RP1L1: variants seen among roughly 807,000 people sequenced by gnomAD.
RP1L1 encodes retinitis pigmentosa 1-like 1 protein.
A neutral mutation model predicts 15.7 loss-of-function variants in RP1L1; 27 were observed. The ratio of observed to expected loss-of-function variants is 1.72; its 90% CI spans 1.27 to 2.38. The LOEUF is 2.38. RP1L1 is among the 30% of genes most tolerant of loss of function. The pLI is 0.00. For synonymous variants in RP1L1, 1,813 were observed against 1,276.7 expected (o/e 1.42, Z -8.96); for missense variants, 4,798 against 3,075.9 (o/e 1.56, Z -13.24).
In RP1L1 at chr8:10,611,954, G is replaced by T. The variant is rs1797866137; in HGVS notation, c.2144C>A (p.Ala715Asp). 5.0e-6 allele frequency: 8 copies of T among 1,613,884 alleles called. No homozygotes were observed. Among genetic ancestry groups the T allele is most frequent in the Non-Finnish European group, 5.9e-6 (7 of 1,180,002 alleles). ...SGSSSSTRTQ[A>D]SGNLRPPSSG... ...GGAGGGAGGTCTCAGGTTCCCAGAG[G>T]CCTGTGTCCTGGTGCTCGATGAGCT... is the stretch of plus-strand genomic sequence containing the variant. Residue 715 changes from alanine (A) to aspartate (D), a missense_variant, in exon 4 of 4, where the codon GCC (alanine) becomes GAC (aspartate). Ala to Asp is a moderately radical substitution (Grantham distance 126). Coordinates refer to ENST00000382483, the MANE Select transcript of RP1L1 (RefSeq NM_178857.6).
intron 1 of RP1L1, among the ~76,000 whole-genome samples, chr8:10,631,373 A>T (rs1798246931): frequency 1.4e-5 from 2 of 138,070 alleles, no homozygotes; most frequent in African/African-American, 5.6e-5. Context: ...ACACACATGC[A>T]CACAAACACA....
Position 10,611,530 on chromosome 8 carries a change from C to A in RP1L1, c.2568G>T (p.Pro856=), listed in dbSNP as rs367933781. The A allele has an allele frequency of 6.3e-7, 1 of 1,584,490 alleles. No individual in the cohort carries two copies. The highest frequency in any genetic ancestry group is 1.8e-5 in the Admixed American group (1 of 55,310). The change falls in exon 4 of 4, where the codon CCG becomes CCT. Residue 856 remains proline, a synonymous_variant. Transcript: ENST00000382483. ...SWLCGRYCPT[P]PRGRPCPQRR... ...TCTGGGGGCAGGGCCGCCCCCTGGG[C>A]GGGGTGGGACAGTACCTGCCACACA... is the stretch of plus-strand genomic sequence containing the variant.
chr8:10,639,744 G>A (rs367844461), intron 1 of RP1L1, among the ~76,000 whole-genome samples: 2 of 151,868 alleles, frequency 1.3e-5, no homozygotes, highest in South Asian at 2.1e-4. Flanking sequence ...CATGACCTCC[G>A]GGAAAGTTTG....
rs781737009 is a variant in RP1L1, at chr8:10,612,036, T to G, written c.2062A>C (p.Arg688=). Residue 688 remains arginine (R), a synonymous_variant, in exon 4 of 4, where the codon AGG becomes CGG. Transcript: ENST00000382483. ...LDSSVTKQVP[R]PPERRRACQD... ...CAGGCCCTTCGCCGCTCAGGAGGCC[T>G]CGGCACTTGCTTGGTTACAGAGGAG... 1 of 1,613,876 alleles carries G rather than the reference T, an allele frequency of 6.2e-7. No individual in the cohort carries two copies. Among genetic ancestry groups the G allele is most frequent in the Admixed American group, 1.7e-5 (1 of 60,036 alleles).
rs761787045 is a variant in RP1L1, at chr8:10,611,999, G to A, written c.2099C>T (p.Ser700Leu). 5.0e-6 allele frequency: 8 copies of A among 1,613,670 alleles called. No individual in the cohort carries two copies. Among genetic ancestry groups the A allele is most frequent in the South Asian group, 1.1e-5 (1 of 91,090 alleles). The part of the protein sequence containing the change: ...PERRRACQDG[S>L]VPRYSGSSSS... Reference sequence around the variant, plus strand: ...TGAGCTTCCAGAATATCGTGGCACTGAGCCATCCTGGCAGGCCCTTCGCCG... The same window carrying A: ...TGAGCTTCCAGAATATCGTGGCACTAAGCCATCCTGGCAGGCCCTTCGCCG... The change falls in exon 4 of 4, where the codon TCA becomes TTA. Residue 700 changes from serine (S) to leucine (L), a missense_variant. By Grantham distance (145) the Ser-to-Leu change is moderately radical (BLOSUM62 -2). Transcript: ENST00000382483.
rs1161501442 is a variant in RP1L1, at chr8:10,612,608, C to T, written c.1490G>A (p.Gly497Glu). 1 of 1,603,064 alleles carries T rather than the reference C, an allele frequency of 6.2e-7. No individual in the cohort carries two copies. ...AQIGAERKAG[G>E]SLGEDPGLCI... is the part of the protein sequence containing the mutation. Reference sequence around the variant, plus strand: ...TAGGCCGGGGTCCTCACCCAGGCTCCCTCCAGCTTTCCGCTCAGCCCCTAT... The same window carrying T: ...TAGGCCGGGGTCCTCACCCAGGCTCTCTCCAGCTTTCCGCTCAGCCCCTAT... The change falls in exon 4 of 4, where the codon GGG becomes GAG. Residue 497 changes from glycine to glutamate, a missense_variant. Transcript: ENST00000382483.
intron 1 of RP1L1, among the ~76,000 whole-genome samples, chr8:10,626,749 T>A (rs941691224): frequency 2.0e-5 from 3 of 152,104 alleles, no homozygotes; most frequent in Admixed American, 2.0e-4. Context: ...TGTATCAAAG[T>A]TTGGGAAAGA....
intron 1 of RP1L1, among the ~76,000 whole-genome samples, chr8:10,623,713 A>G (rs1391619269): frequency 6.6e-6 from 1 of 151,318 alleles, no homozygotes; most frequent in African/African-American, 2.4e-5. Flanking sequence ...CCATGTCTCC[A>G]GCATTACCAT....
At chr8:10,621,546 G>A (rs766902773) in intron 2 of RP1L1, 8 of 355,122 alleles carry the variant, frequency 2.3e-5, no homozygotes, top group Admixed American at 7.2e-5. Flanking sequence ...GGCTGATCTC[G>A]AACTCCTGAC....
rs771934052 is a variant in RP1L1, at chr8:10,623,030, A to T, written c.172T>A (p.Phe58Ile). 1 of 1,614,128 alleles carries T rather than the reference A, an allele frequency of 6.2e-7. No homozygotes were observed. The highest frequency in any genetic ancestry group is 8.5e-7 in the Non-Finnish European group (1 of 1,180,008). ...GVRLAVHQRAFKTFSALMDEL... is the reference protein window; with the variant it reads ...GVRLAVHQRAIKTFSALMDEL... Reference sequence around the variant, plus strand: ...TCCATGAGGGCGCTGAAGGTCTTAAAGGCGCGCTGGTGAACGGCCAGGCGG... The same window carrying T: ...TCCATGAGGGCGCTGAAGGTCTTAATGGCGCGCTGGTGAACGGCCAGGCGG... Residue 58 changes from phenylalanine to isoleucine, a missense_variant, in exon 2 of 4, where the codon TTT becomes ATT. Phe to Ile is a conservative substitution (Grantham distance 21). Coordinates refer to ENST00000382483, the MANE Select transcript of RP1L1 (RefSeq NM_178857.6).
intron 1 of RP1L1, among the ~76,000 whole-genome samples, chr8:10,627,896 T>G (rs1585986099): frequency 1.3e-5 from 2 of 152,290 alleles, no homozygotes; most frequent in Admixed American, 1.3e-4. Flanking sequence ...GTACTTCTGA[T>G]GAACAGGCAC....
intron 1 of RP1L1, among the ~76,000 whole-genome samples, chr8:10,634,462 G>T (rs983708170): frequency 1.3e-5 from 2 of 152,178 alleles, no homozygotes; most frequent in African/African-American, 4.8e-5. Context: ...AAGTGGGGAA[G>T]ATCAACACAA....
chr8:10,627,783 C>A (rs1410604549), intron 1 of RP1L1, among the ~76,000 whole-genome samples: 1 of 152,166 alleles, frequency 6.6e-6, no homozygotes, highest in Non-Finnish European at 1.5e-5. Flanking sequence ...AACATCACAG[C>A]GTTCCACACA....
rs1356168176 is a variant in RP1L1 at position 10,608,049 on chromosome 8, G to A, written c.6049C>T (p.Gln2017Ter). 11 of 1,604,832 alleles carry A rather than the reference G, an allele frequency of 6.9e-6. No homozygotes were observed. Among genetic ancestry groups the A allele is most frequent in the Non-Finnish European group, 9.3e-6 (11 of 1,178,148 alleles). ...GCCTCTACACCGTCTGACTCTGGCT[G>A]GGCCTCCTCTTCTGCCTCTTGCATC... is the stretch of plus-strand genomic sequence containing the variant. ...GEMQEAEEEAQPESDGVEAQP... is the reference protein window; with the variant it reads ...GEMQEAEEEA The change falls in exon 4 of 4, where the codon CAG (glutamine) becomes TAG (stop). Residue 2017 changes from glutamine (Q) to a stop codon, truncating the protein, a stop_gained. Coordinates refer to ENST00000382483, the MANE Select transcript of RP1L1 (RefSeq NM_178857.6). LOFTEE classifies it low-confidence loss of function (END_TRUNC).
At chr8:10,619,960 CAA>C (rs34459240) in intron 2 of RP1L1, among the ~76,000 whole-genome samples, 5,502 of 87,180 alleles carry the variant, frequency 0.063, 109 homozygotes, top group African/African-American at 0.11. Context: ...GACTCCATCT[CAA>C]AAAAAAAAAA....
intron 2 of RP1L1, among the ~76,000 whole-genome samples, chr8:10,617,930 C>G (rs1211512280): frequency 6.6e-6 from 1 of 152,168 alleles, no homozygotes; most frequent in Non-Finnish European, 1.5e-5. Context: ...ATCGCACCCA[C>G]TAAACGGTAG....
chr8:10,620,596 G>C (rs977607858), intron 2 of RP1L1, among the ~76,000 whole-genome samples: 8 of 152,072 alleles, frequency 5.3e-5, no homozygotes, highest in Non-Finnish European at 1.2e-4. Context: ...ACAAGAGTGA[G>C]ACTCTGTCTC....
At position 10,609,250 on chromosome 8, in the gene RP1L1, G is replaced by C. The variant is rs753284438; in HGVS notation, c.4848C>G (p.Leu1616=). 3 of 1,609,204 alleles carry C rather than the reference G, an allele frequency of 1.9e-6. No individual in the cohort carries two copies. The highest frequency in any genetic ancestry group is 2.2e-5 in the East Asian group (1 of 44,856). ...RRHRLRGLRN[L]SAFSERTLGL... ...CCAGGGTCCGCTCAGAGAAGGCCGA[G>C]AGGTTTCGCAGGCCCCGGAGACGGT... The change falls in exon 4 of 4, where the codon CTC becomes CTG. Residue 1616 remains leucine, a synonymous_variant. Transcript: ENST00000382483.
Position 10,639,141 on chromosome 8 carries a change from CA to C in RP1L1, c.-20+15756del, listed in dbSNP as rs1273243466. On this transcript the variant is annotated intron_variant, in intron 1 of 3. Transcript: ENST00000382483. ...CCTGGATGACAGGGTGAGACTGTCT[CA>C]AAAAAAAAAAAGAAAAGAAAAGAAA... 8.4e-3 allele frequency among the ~76,000 whole-genome samples: 1,060 copies of C among 126,510 alleles called. 9 individuals are homozygous for C. Among genetic ancestry groups the C allele is most frequent in the African/African-American group, 0.025 (866 of 34,282 alleles). The allele number at this position is 126,510 out of a possible 152,430, so 83.0% of individuals were successfully genotyped here. A position where few individuals can be genotyped will look rare whatever the true frequency, so the allele number is the denominator to read the frequency against.
Sources: allele counts gnomAD v4.1 joint callset (sites outside exome capture counted in the v4.1 genomes callset), GRCh38; gene constraint gnomAD v4.1.1; transcripts MANE v1.5; gene names NCBI Gene and HGNC (gene_info 2026-07-23, HGNC 2026-07-21).